PLEKHM1: variants seen among roughly 807,000 people sequenced by gnomAD.
PLEKHM1 encodes pleckstrin homology and RUN domain containing M1, also known as pleckstrin homology domain-containing family M member 1.
PLEKHM1 carries 28 observed loss-of-function variants against 94.3 expected under a neutral mutation model. That is an observed-to-expected ratio of 0.30 (90% CI 0.22 to 0.41). The LOEUF (loss-of-function observed/expected upper bound fraction) is 0.41. Ranked by LOEUF, PLEKHM1 falls within the 10% of genes least tolerant of loss-of-function variation. PLEKHM1 has a pLI of 1.00. For synonymous variants in PLEKHM1, 424 were observed against 581.2 expected (o/e 0.73, Z 3.89); for missense variants, 907 against 1,358.6 (o/e 0.67, Z 5.22).
intron 2 of PLEKHM1, among the ~76,000 whole-genome samples, chr17:45,479,098 G>C (rs2051853180): frequency 2.0e-5 from 3 of 151,642 alleles, no homozygotes; most frequent in African/African-American, 7.3e-5. Flanking sequence ...AAGAGGCTGG[G>C]TGTGGTGGCT....
chr17:45,439,316 G>A lies in PLEKHM1; in HGVS notation c.3059+161C>T, dbSNP rs2145156450. Reference sequence around the variant, plus strand: ...AGCTGGCCATGACTGCCCAGAGCATGGGCTGCCCCAACAACTGCACCACCC... The same window carrying A: ...AGCTGGCCATGACTGCCCAGAGCATAGGCTGCCCCAACAACTGCACCACCC... On this transcript the variant is annotated intron_variant, in intron 11 of 11. Coordinates refer to ENST00000430334, the MANE Select transcript of PLEKHM1 (RefSeq NM_014798.3). 2.0e-5 allele frequency among the ~76,000 whole-genome samples: 3 copies of A among 152,356 alleles called. No individual in the cohort carries two copies. The Middle Eastern group carries it at 0.01, about 518-fold the overall frequency.
At position 45,459,499 on chromosome 17, in the gene PLEKHM1, C is replaced by T. The variant is rs2051086644; in HGVS notation, c.1309-1060G>A. On this transcript the variant is annotated intron_variant, in intron 5 of 11. Coordinates refer to ENST00000430334, the MANE Select transcript of PLEKHM1 (RefSeq NM_014798.3). ...CAAATAATATTCCATTGTCTCGATC[C>T]ACCACATTTGGCTTATCCACTCCTC... The T allele has an allele frequency of 1.3e-5, 2 of 151,330 alleles. 1 individual carries two copies. The highest frequency in any genetic ancestry group is 4.2e-4 in the South Asian group (2 of 4,762). The allele number at this position is 151,330 out of a possible 1,614,324, so 9.4% of individuals were successfully genotyped here. A position where few individuals can be genotyped will look rare whatever the true frequency, so the allele number is the denominator to read the frequency against.
At position 45,468,994 on chromosome 17, in the gene PLEKHM1, C is replaced by T. The variant is rs548670625; in HGVS notation, c.924-401G>A. Among the ~76,000 whole-genome samples the T allele has an allele frequency of 4.5e-4, 68 of 149,488 alleles. 1 individual carries two copies. Among genetic ancestry groups the T allele is most frequent in the Non-Finnish European group, 8.4e-4 (56 of 66,274 alleles). The stretch of plus-strand genomic sequence containing the variant: ...TGGTATGCAGCAGAGCCTCCTCCTC[C>T]ACAGCACAGGGAGTAGAGATGCCAG... On this transcript the variant is annotated intron_variant, in intron 4 of 11. Transcript: ENST00000430334.
intron 7 of PLEKHM1, among the ~76,000 whole-genome samples, chr17:45,451,662 A>T (rs2050777854): frequency 6.6e-6 from 1 of 152,036 alleles, no homozygotes; most frequent in South Asian, 2.1e-4. Flanking sequence ...TATGAAATAC[A>T]ACCCAGATGC....
chr17:45,441,295 G>A (rs1472897862), intron 9 of PLEKHM1, among the ~76,000 whole-genome samples: 3 of 152,190 alleles, frequency 2.0e-5, no homozygotes, highest in Admixed American at 2.0e-4. Context: ...CATCTGGAAT[G>A]GGGGCTTGGC....
chr17:45,440,637 T>C (rs1286964602), intron 9 of PLEKHM1, among the ~76,000 whole-genome samples: 5 of 152,202 alleles, frequency 3.3e-5, no homozygotes, highest in African/African-American at 1.2e-4. Context: ...TCACAATAAT[T>C]CTGTGAGGCT....
At chr17:45,446,597 G>T (rs563908925) in intron 8 of PLEKHM1, among the ~76,000 whole-genome samples, 1 of 152,286 alleles carries the variant, frequency 6.6e-6, no homozygotes, top group South Asian at 2.1e-4. Context: ...GCTTTGGCCT[G>T]GCTCAGATCT....
intron 4 of PLEKHM1, among the ~76,000 whole-genome samples, chr17:45,473,131 C>T (rs959312011): frequency 3.3e-5 from 5 of 151,918 alleles, no homozygotes; most frequent in Non-Finnish European, 7.4e-5. Context: ...TTTTGCTCGG[C>T]AATTTTGCTT....
intron 10 of PLEKHM1, 28 bp downstream of exon 10, chr17:45,440,135 C>A (rs1158453069): frequency 2.5e-6 from 4 of 1,603,648 alleles, no homozygotes; most frequent in Non-Finnish European, 3.4e-6. Context: ...CTCTAGAGGT[C>A]TGGGCGGGGG....
intron 5 of PLEKHM1, 103 bp downstream of exon 5, chr17:45,468,106 C>G: frequency 7.0e-7 from 1 of 1,438,734 alleles, no homozygotes; most frequent in Non-Finnish European, 9.7e-7. Context: ...GAGAGGAAGG[C>G]TAACAGGGAA....
At chr17:45,441,406 G>T (rs1254555001) in intron 9 of PLEKHM1, among the ~76,000 whole-genome samples, 1 of 152,198 alleles carries the variant, frequency 6.6e-6, no homozygotes, top group Non-Finnish European at 1.5e-5. Flanking sequence ...ATGCCAACTG[G>T]CCCCTCAGTT....
intron 5 of PLEKHM1, among the ~76,000 whole-genome samples, chr17:45,461,988 C>T (rs2051164886): frequency 6.6e-6 from 1 of 152,186 alleles, no homozygotes; most frequent in Non-Finnish European, 1.5e-5. Context: ...ATGAGTCACA[C>T]AAGCAGTGGG....
Position 45,453,742 on chromosome 17 carries a change from A to C in PLEKHM1, c.2110T>G (p.Ser704Ala). ...CATTTCAGAGCCTCCAAGGACAGAG[A>C]AAATATATAGGGCATCCAGGTCCTG... ...MDRTWMPYIF[S>A]LSLEALKCFR... The change falls in exon 7 of 12, where the codon TCT becomes GCT. Residue 704 changes from serine (S) to alanine (A), a missense_variant. Transcript: ENST00000430334. This position sits in a 1 kb window ranked among gnomAD's most constrained non-coding sequence, Gnocchi z 4.1. 6.2e-7 allele frequency: 1 copy of C among 1,613,916 alleles called. No individual in the cohort carries two copies. Among genetic ancestry groups the C allele is most frequent in the Non-Finnish European group, 8.5e-7 (1 of 1,179,838 alleles).
rs1166779321 is a variant in PLEKHM1 at position 45,439,502 on chromosome 17, G to A, written c.3034C>T (p.Pro1012Ser). 2.5e-6 allele frequency: 4 copies of A among 1,614,232 alleles called. No individual in the cohort carries two copies. The highest frequency in any genetic ancestry group is 3.4e-6 in the Non-Finnish European group (4 of 1,180,036). Residue 1012 changes from proline (P) to serine (S), a missense_variant, in exon 11 of 12, where the codon CCC (proline) becomes TCC (serine). This residue lies in a region of PLEKHM1 where 254 missense variants were observed against 451.1 expected (regional missense o/e 0.56). Transcript: ENST00000430334. Reference sequence around the variant, plus strand: ...CTGACTGTGGTGTCAAACTCAAAGGGGAAGATGATGTCGTGGTGCTGGCAG... The same window carrying A: ...CTGACTGTGGTGTCAAACTCAAAGGAGAAGATGATGTCGTGGTGCTGGCAG... ...QICQHHDIIF[P>S]FEFDTTVRCA... is the part of the protein sequence containing the mutation.
intron 1 of PLEKHM1, among the ~76,000 whole-genome samples, chr17:45,486,685 G>C (rs1414288267): frequency 4.6e-5 from 7 of 152,182 alleles, no homozygotes; most frequent in African/African-American, 1.7e-4. Context: ...ACTGACAAGA[G>C]CTCAGAGAAA....
intron 5 of PLEKHM1, among the ~76,000 whole-genome samples, chr17:45,462,132 C>G (rs2051170001): frequency 6.6e-6 from 1 of 152,084 alleles, no homozygotes; most frequent in African/African-American, 2.4e-5. Context: ...CATTCAGATG[C>G]TACACGACTC....
rs763487555 is a variant in PLEKHM1 at position 45,454,144 on chromosome 17, C to T, written c.1708G>A (p.Glu570Lys). Residue 570 changes from glutamate to lysine, a missense_variant, in exon 7 of 12, where the codon GAG (glutamate) becomes AAG (lysine). Physicochemically the swap from Glu to Lys is moderately conservative, Grantham distance 56. This residue lies in a region of PLEKHM1 where 477 missense variants were observed against 601.5 expected (regional missense o/e 0.79). Coordinates refer to ENST00000430334, the MANE Select transcript of PLEKHM1 (RefSeq NM_014798.3). ...GAGCAGTTCTCCACACAGGTGTGCT[C>T]CTCGTTGCTCAGGTAGAGGCGGAAC... ...LEFRLYLSNE[E>K]HTCVENCSLL... The T allele has an allele frequency of 6.2e-6, 10 of 1,614,108 alleles. No individual in the cohort carries two copies. Among genetic ancestry groups the T allele is most frequent in the Non-Finnish European group, 8.5e-6 (10 of 1,180,022 alleles).
Position 45,477,976 on chromosome 17 carries a change from T to G in PLEKHM1, c.220A>C (p.Lys74Gln). Residue 74 changes from lysine to glutamine, a missense_variant, in exon 3 of 12, where the codon AAA becomes CAA. By Grantham distance (53) the Lys-to-Gln change is moderately conservative. Transcript: ENST00000430334. The stretch of plus-strand genomic sequence containing the variant: ...TTCTGGTGGGCACTTTTCTTCCTTT[T>G]TCCTCCGGCCTCAGCTCGGATGTGC... ...AKHIRAEAGG[K>Q]RKKSAHQKPL... 2 of 1,614,088 alleles carry G rather than the reference T, an allele frequency of 1.2e-6. No homozygotes were observed. Among genetic ancestry groups the G allele is most frequent in the African/African-American group, 1.3e-5 (1 of 75,056 alleles).
chr17:45,435,500 C>T (rs1036973807), downstream of PLEKHM1, among the ~76,000 whole-genome samples: 2 of 152,210 alleles, frequency 1.3e-5, no homozygotes, highest in African/African-American at 4.8e-5. Flanking sequence ...CCCATCTCTC[C>T]TTTATTTCTC....
Sources: gnomAD v4.1 joint callset for allele counts (sites outside exome capture counted in the v4.1 genomes callset) on GRCh38, gnomAD v4.1.1 for gene constraint, gnomAD v4.1.1 regional missense constraint, Gnocchi (gnomAD v3.1) non-coding constraint, MANE v1.5 for transcripts, NCBI Gene and HGNC (gene_info 2026-07-23, HGNC 2026-07-21) for gene names.